ROBO2: variants seen among roughly 807,000 people sequenced by gnomAD.
The protein encoded by ROBO2 is roundabout homolog 2.
In ROBO2, 53 loss-of-function variants were observed where a neutral mutation model predicts 160.8. The ratio of observed to expected loss-of-function variants is 0.33; its 90% CI spans 0.26 to 0.41. The LOEUF (loss-of-function observed/expected upper bound fraction) is 0.41. Ranked by LOEUF, ROBO2 falls within the 10% of genes least tolerant of loss-of-function variation. ROBO2 has a pLI of 1.00. For synonymous variants in ROBO2, 664 were observed against 611.7 expected (o/e 1.09, Z -1.26); for missense variants, 1,577 against 1,722.4 (o/e 0.92, Z 1.49).
intron 2 of ROBO2, among the ~76,000 whole-genome samples, chr3:77,382,675 G>A (rs1475132201): frequency 1.3e-5 from 2 of 152,120 alleles, no homozygotes; most frequent in Admixed American, 1.3e-4. Context: ...ACAGTGTTTG[G>A]TTTTTCATTT....
chr3:77,040,058 CCCT>C, exon 1 of ROBO2: 1 of 143,352 alleles, frequency 7.0e-6, no homozygotes, highest in Non-Finnish European at 1.5e-5. Context: ...GCCCCTCCCT[CCCT>C]CCCTCCCTCC....
At chr3:76,216,625 A>G (rs918767729) in intron 2 of ROBO2, among the ~76,000 whole-genome samples, 2 of 152,178 alleles carry the variant, frequency 1.3e-5, no homozygotes, top group Admixed American at 6.5e-5. Context: ...CTAAATATAT[A>G]TGCACCCAAT....
At chr3:76,798,420 T>C (rs2063940494) in intron 2 of ROBO2, among the ~76,000 whole-genome samples, 2 of 152,236 alleles carry the variant, frequency 1.3e-5, no homozygotes, top group South Asian at 4.1e-4. Context: ...AAAAGATCAT[T>C]CAGCATGACC....
intron 2 of ROBO2, among the ~76,000 whole-genome samples, chr3:77,205,673 A>G (rs562599369): frequency 6.6e-6 from 1 of 152,248 alleles, no homozygotes; most frequent in East Asian, 1.9e-4. Context: ...TCACATGCAC[A>G]TGTAGTCTTA....
At chr3:76,738,560 A>G (rs7630234) in intron 2 of ROBO2, among the ~76,000 whole-genome samples, 47,286 of 152,032 alleles carry the variant, frequency 0.31, 9,318 homozygotes, top group African/African-American at 0.56. Context: ...GCCTATGAGT[A>G]AAGAGATACC....
intron 2 of ROBO2, among the ~76,000 whole-genome samples, chr3:76,045,180 G>A (rs1051452592): frequency 6.6e-6 from 1 of 152,020 alleles, no homozygotes; most frequent in African/African-American, 2.4e-5. Flanking sequence ...GTGCCCCCGT[G>A]TGGCACAGTG....
intron 5 of ROBO2, among the ~76,000 whole-genome samples, chr3:77,508,167 T>C (rs1484186160): frequency 6.6e-5 from 10 of 151,624 alleles, no homozygotes. Flanking sequence ...GGAGCTTCAA[T>C]AATTGTTCTG....
intron 2 of ROBO2, among the ~76,000 whole-genome samples, chr3:76,217,505 C>T (rs771818884): frequency 3.2e-4 from 48 of 152,140 alleles, no homozygotes; most frequent in Non-Finnish European, 5.4e-4. Context: ...CACAGAAATA[C>T]AAACTACCGT....
At chr3:76,178,080 CAA>C (rs1282409574) in intron 2 of ROBO2, among the ~76,000 whole-genome samples, 1 of 151,994 alleles carries the variant, frequency 6.6e-6, no homozygotes, top group Non-Finnish European at 1.5e-5. Context: ...GATAGCTCCC[CAA>C]AAAGGAGATT....
intron 2 of ROBO2, among the ~76,000 whole-genome samples, chr3:77,133,624 G>T (rs546269652): frequency 6.8e-6 from 1 of 147,428 alleles, no homozygotes; most frequent in African/African-American, 2.5e-5. Context: ...TCCGTCCTGG[G>T]ATTCCTTTAG....
intron 2 of ROBO2, among the ~76,000 whole-genome samples, chr3:76,719,137 T>C (rs1361409723): frequency 6.6e-6 from 1 of 152,194 alleles, no homozygotes. Flanking sequence ...TATTTTTATA[T>C]TGGTTGCTAA....
At chr3:76,673,804 G>A (rs2092333950) in intron 2 of ROBO2, among the ~76,000 whole-genome samples, 2 of 151,892 alleles carry the variant, frequency 1.3e-5, no homozygotes, top group African/African-American at 4.8e-5. Context: ...AGCTTCACAC[G>A]ATAATTTATT....
chr3:77,527,642 G>T (rs1404031978), intron 6 of ROBO2, among the ~76,000 whole-genome samples: 1 of 151,430 alleles, frequency 6.6e-6, no homozygotes, highest in Non-Finnish European at 1.5e-5. Flanking sequence ...TTATGTAAGA[G>T]AATAAATGAA....
chr3:77,085,315 T>G (rs1450875602), intron 1 of ROBO2, among the ~76,000 whole-genome samples: 1 of 152,220 alleles, frequency 6.6e-6, no homozygotes, highest in South Asian at 2.1e-4. Context: ...ACTCCAAAAT[T>G]TTCTATAAGA....
exon 26 of ROBO2, chr3:77,649,670 C>T (rs2095435697): frequency 6.6e-6 from 1 of 152,004 alleles, no homozygotes; most frequent in African/African-American, 2.4e-5. Flanking sequence ...AAAAGATGTT[C>T]AATTTACTAA....
intron 2 of ROBO2, among the ~76,000 whole-genome samples, chr3:76,232,627 CACAA>C (rs1259169099): frequency 2.0e-5 from 3 of 152,164 alleles, no homozygotes; most frequent in African/African-American, 7.2e-5. Flanking sequence ...ATTTAACGAT[CACAA>C]ACAAATCATT....
At chr3:76,144,961 T>C (rs1393083345) in intron 2 of ROBO2, among the ~76,000 whole-genome samples, 2 of 151,992 alleles carry the variant, frequency 1.3e-5, no homozygotes, top group South Asian at 4.1e-4. Context: ...GACCTTGTCA[T>C]ACAGCTGTGG....
chr3:77,531,025 A>G (rs1232994701), intron 6 of ROBO2, among the ~76,000 whole-genome samples: 1 of 152,010 alleles, frequency 6.6e-6, no homozygotes, highest in African/African-American at 2.4e-5. Flanking sequence ...AACTCAAAAC[A>G]TGATGAGTAA....
In ROBO2 at chr3:77,550,774, T is replaced by A. The variant is rs765588632; in HGVS notation, c.1060-44T>A. 64 of 1,603,124 alleles carry A rather than the reference T, an allele frequency of 4.0e-5. No homozygotes were observed. In the South Asian group the frequency reaches 6.4e-4, roughly 16 times the overall value. On this transcript the variant is annotated intron_variant, in intron 7 of 25. Transcript: ENST00000461745. ...GTAGCTTTTATTCACATAATTTTTT[T>A]AAGTGGAAAATGAATATTGATGAGA...
Sources: gnomAD v4.1 joint callset for allele counts (sites outside exome capture counted in the v4.1 genomes callset) on GRCh38, gnomAD v4.1.1 for gene constraint, MANE v1.5 for transcripts, NCBI Gene and HGNC (gene_info 2026-07-23, HGNC 2026-07-21) for gene names.